CBFA2T2: variants seen among roughly 807,000 people sequenced by gnomAD.
CBFA2T2 encodes the protein CBFA2/RUNX1 partner transcriptional co-repressor 2.
In CBFA2T2, 11 loss-of-function variants were observed where a neutral mutation model predicts 62.2. The ratio of observed to expected loss-of-function variants is 0.18; its 90% CI spans 0.11 to 0.29. The LOEUF (loss-of-function observed/expected upper bound fraction) is 0.29. Among genes scored for constraint, CBFA2T2 ranks in the 10% least tolerant of loss-of-function variants. The pLI is 1.00. For missense variants in CBFA2T2, 592 were observed against 774.1 expected (o/e 0.76, Z 2.79); for synonymous variants, 295 against 287.5 (o/e 1.03, Z -0.27).
At chr20:33,574,337 C>T (rs2013719612) in intron 1 of CBFA2T2, 3 of 1,435,658 alleles carry the variant, frequency 2.1e-6, no homozygotes, top group Non-Finnish European at 1.9e-6. Flanking sequence ...AAACAATTTG[C>T]TTTAAAGGCC....
intron 1 of CBFA2T2, among the ~76,000 whole-genome samples, chr20:33,550,222 CA>C (rs2012699934): frequency 1.3e-5 from 2 of 152,098 alleles, no homozygotes; most frequent in African/African-American, 4.8e-5. Flanking sequence ...AAAACCAGTT[CA>C]GGGGCAATAA....
At chr20:33,531,477 C>T (rs2012061305) in intron 1 of CBFA2T2, among the ~76,000 whole-genome samples, 1 of 152,186 alleles carries the variant, frequency 6.6e-6, no homozygotes, top group South Asian at 2.1e-4. Context: ...CTAGAAAAAA[C>T]AGTTCAGATC....
chr20:33,521,474 A>C (rs1013201502), intron 1 of CBFA2T2, among the ~76,000 whole-genome samples: 2 of 152,192 alleles, frequency 1.3e-5, no homozygotes, highest in Non-Finnish European at 2.9e-5. Flanking sequence ...GATAAAAGGC[A>C]TATTTTAGCA....
At chr20:33,588,991 C>A (rs530738138) in intron 1 of CBFA2T2, among the ~76,000 whole-genome samples, 1 of 151,968 alleles carries the variant, frequency 6.6e-6, no homozygotes, top group South Asian at 2.1e-4. Context: ...GGAAAAAAAA[C>A]CCATTTCCAT....
chr20:33,576,586 G>T (rs979786250), intron 1 of CBFA2T2, among the ~76,000 whole-genome samples: 2 of 152,222 alleles, frequency 1.3e-5, no homozygotes, highest in Non-Finnish European at 2.9e-5. Flanking sequence ...AGATAAGAAG[G>T]TCTTTTTTTC....
chr20:33,635,222 T>C (rs1170140883), intron 8 of CBFA2T2, among the ~76,000 whole-genome samples: 1 of 152,258 alleles, frequency 6.6e-6, no homozygotes, highest in Admixed American at 6.5e-5. Context: ...TTTAGAATTC[T>C]ATACTTAACC....
chr20:33,580,536 G>T (rs968125925), intron 1 of CBFA2T2, among the ~76,000 whole-genome samples: 1 of 152,092 alleles, frequency 6.6e-6, no homozygotes, highest in Non-Finnish European at 1.5e-5. Context: ...TCTTCATTAC[G>T]CAGCAGCTGA....
chr20:33,582,448 A>G (rs1041001445), intron 1 of CBFA2T2, among the ~76,000 whole-genome samples: 2 of 151,706 alleles, frequency 1.3e-5, no homozygotes, highest in African/African-American at 4.8e-5. Context: ...AGACCACGCC[A>G]TTGCACTCCA....
intron 9 of CBFA2T2, 54 bp from the exon 10 acceptor site, chr20:33,640,287 G>T: frequency 1.3e-6 from 2 of 1,521,804 alleles, no homozygotes; most frequent in Non-Finnish European, 1.8e-6. Context: ...ATTGCCGTGG[G>T]ATGGGAGGGA....
chr20:33,642,112 T>TGTGTGTGTGTG lies in CBFA2T2; in HGVS notation c.1488+1581_1488+1582insGTGTGTGTGTG, dbSNP rs1555851358. On this transcript the variant is annotated intron_variant, in intron 10 of 10. Coordinates refer to ENST00000342704, the MANE Select transcript of CBFA2T2 (RefSeq NM_001032999.3). ...TCTCTCCTCCTCCTTTGTCTTTTTT[T>TGTGTGTGTGTG]TTTTTGTGTGTGTGTGTGTGTGTGT... 4.0e-5 allele frequency among the ~76,000 whole-genome samples: 3 copies of TGTGTGTGTGTG among 74,618 alleles called. No individual in the cohort carries two copies. In the South Asian group the frequency reaches 1.4e-3, roughly 34 times the overall value. The allele number at this position is 74,618 out of a possible 152,430, so 49.0% of individuals were successfully genotyped here. A position where few individuals can be genotyped will look rare whatever the true frequency, so the allele number is the denominator to read the frequency against.
chr20:33,492,428 T>C (rs2011153839), intron 1 of CBFA2T2, among the ~76,000 whole-genome samples: 1 of 141,218 alleles, frequency 7.1e-6, no homozygotes, highest in Non-Finnish European at 1.5e-5. Context: ...AAAAAAAAGA[T>C]TGTGTCCAAA....
intron 1 of CBFA2T2, chr20:33,562,632 G>T: frequency 5.1e-6 from 5 of 985,436 alleles, no homozygotes; most frequent in Non-Finnish European, 6.0e-6. Flanking sequence ...AATAAATTTG[G>T]TGTATTTAAG....
intron 1 of CBFA2T2, among the ~76,000 whole-genome samples, chr20:33,509,897 T>C (rs1005988780): frequency 6.6e-6 from 1 of 151,776 alleles, no homozygotes; most frequent in African/African-American, 2.4e-5. Context: ...GGTATACATG[T>C]GCCATGTTGG....
At chr20:33,596,512 T>C (rs1443018312) in intron 1 of CBFA2T2, among the ~76,000 whole-genome samples, 1 of 152,228 alleles carries the variant, frequency 6.6e-6, no homozygotes. Flanking sequence ...ATTATACTCT[T>C]TACTTGGCTT....
chr20:33,589,593 T>C (rs2014524573), intron 1 of CBFA2T2, among the ~76,000 whole-genome samples: 1 of 152,198 alleles, frequency 6.6e-6, no homozygotes, highest in Non-Finnish European at 1.5e-5. Context: ...CTCTTTTTAT[T>C]TCATTTGATT....
At chr20:33,518,566 C>A (rs1261809746) in intron 1 of CBFA2T2, among the ~76,000 whole-genome samples, 1 of 148,772 alleles carries the variant, frequency 6.7e-6, no homozygotes, top group African/African-American at 2.5e-5. Context: ...AGTTTGAGAC[C>A]AGCCTGATGA....
chr20:33,534,011 C>G (rs1011276141), intron 1 of CBFA2T2, among the ~76,000 whole-genome samples: 6 of 152,116 alleles, frequency 3.9e-5, no homozygotes, highest in Admixed American at 1.3e-4. Flanking sequence ...ACAACAGCAA[C>G]AACAAATAGA....
intron 1 of CBFA2T2, among the ~76,000 whole-genome samples, chr20:33,566,725 G>A (rs2013331491): frequency 6.6e-6 from 1 of 152,202 alleles, no homozygotes; most frequent in Non-Finnish European, 1.5e-5. Context: ...GAAGGATTTG[G>A]ACTTCTCATG....
intron 10 of CBFA2T2, among the ~76,000 whole-genome samples, chr20:33,643,789 A>G: frequency 8.8e-5 from 3 of 34,048 alleles, no homozygotes; most frequent in African/African-American, 1.6e-4. Flanking sequence ...ATATATATAT[A>G]TATATATATA....
Sources: allele counts gnomAD v4.1 joint callset (sites outside exome capture counted in the v4.1 genomes callset), GRCh38; gene constraint gnomAD v4.1.1; transcripts MANE v1.5; gene names NCBI Gene and HGNC (gene_info 2026-07-23, HGNC 2026-07-21).